The following FAM167A variants were observed in gnomAD, a reference collection of about 807,000 sequenced individuals.
The protein encoded by FAM167A is protein FAM167A.
Under a neutral mutation model 14.9 loss-of-function variants are expected in FAM167A, and 23 were observed. The ratio of observed to expected loss-of-function variants is 1.55; its 90% CI spans 1.11 to 2.19. The LOEUF (loss-of-function observed/expected upper bound fraction) is 2.19, where lower values mean the gene tolerates loss of function less well. Ranked by LOEUF, FAM167A falls within the 30% of genes most tolerant of loss-of-function variation. FAM167A has a pLI of 0.00. For synonymous variants in FAM167A, 174 were observed against 117.7 expected (o/e 1.48, Z -3.10); for missense variants, 401 against 281.5 (o/e 1.42, Z -3.04).
intron 1 of FAM167A, among the ~76,000 whole-genome samples, chr8:11,453,008 G>C (rs189195079): frequency 6.0e-4 from 91 of 152,168 alleles, no homozygotes; most frequent in Admixed American, 1.6e-3. Context: ...CCTTCATCAC[G>C]GCTGCCCCCA....
chr8:11,468,538 A>G (rs544423582), upstream of FAM167A, among the ~76,000 whole-genome samples: 4 of 152,328 alleles, frequency 2.6e-5, no homozygotes, highest in African/African-American at 9.6e-5. Context: ...CCATGTTTGC[A>G]AGCAGGAGCC....
chr8:11,423,552 T>C lies in FAM167A; in HGVS notation c.*821A>G, dbSNP rs997033131. 46 of 152,358 alleles carry C rather than the reference T, an allele frequency of 3.0e-4. No homozygotes were observed. The highest frequency in any genetic ancestry group is 1.1e-3 in the African/African-American group (44 of 41,540). 9.4% of individuals were successfully genotyped at this position (152,358 alleles called of 1,614,324 possible). ...GTCACGCCCCTGCAGGAGAATTCAG[T>C]TATGGAAAATGCTTTCAGGACCTGC... On this transcript the variant is annotated 3_prime_UTR_variant, in exon 3 of 3. Transcript: ENST00000284486.
At chr8:11,433,295 C>G (rs1300034155) in intron 2 of FAM167A, among the ~76,000 whole-genome samples, 2 of 152,188 alleles carry the variant, frequency 1.3e-5, no homozygotes, top group Non-Finnish European at 2.9e-5. Context: ...CTTTAACCTA[C>G]CATGGTTTCT....
At chr8:11,445,388 C>A in intron 1 of FAM167A, 1 of 985,790 alleles carries the variant, frequency 1.0e-6, no homozygotes, top group Non-Finnish European at 1.2e-6. Flanking sequence ...ACTCTACGCT[C>A]CTAGCTTCTT....
intron 2 of FAM167A, among the ~76,000 whole-genome samples, chr8:11,437,843 T>C (rs1806137129): frequency 6.8e-6 from 1 of 147,468 alleles, no homozygotes; most frequent in African/African-American, 2.7e-5. Context: ...TGCAATTACG[T>C]GGACAGGCAT....
upstream of FAM167A, chr8:11,467,483 C>T (rs1033173544): frequency 3.9e-5 from 6 of 152,402 alleles, no homozygotes; most frequent in Non-Finnish European, 7.3e-5. Flanking sequence ...CACTGGAGGC[C>T]CCAAGGCTGG....
At chr8:11,466,269 G>A (rs887422964) in intron 1 of FAM167A, among the ~76,000 whole-genome samples, 4 of 152,204 alleles carry the variant, frequency 2.6e-5, no homozygotes, top group African/African-American at 7.2e-5. Context: ...GAGGTCACCA[G>A]CCGCCTGGGA....
intron 1 of FAM167A, among the ~76,000 whole-genome samples, chr8:11,458,769 G>T (rs1013413032): frequency 6.6e-6 from 1 of 152,122 alleles, no homozygotes; most frequent in African/African-American, 2.4e-5. Flanking sequence ...TAAGCCTGAG[G>T]TAAGGCGAAC....
Position 11,438,789 on chromosome 8 carries a change from G to T in FAM167A, c.381+5242C>A. The T allele has an allele frequency of 6.2e-6, 2 of 320,134 alleles. 1 individual carries two copies. Among genetic ancestry groups the T allele is most frequent in the South Asian group, 5.2e-5 (2 of 38,380 alleles). 19.8% of individuals were successfully genotyped at this position (320,134 alleles called of 1,614,324 possible). On this transcript the variant is annotated intron_variant, in intron 2 of 2. Coordinates refer to ENST00000284486, the MANE Select transcript of FAM167A (RefSeq NM_053279.3). ...AGACAGGCTGAAAGCACCGGGCTAT[G>T]CAGAGAAGACTTAGCCTTGGGAGAA... is the stretch of plus-strand genomic sequence containing the variant.
chr8:11,465,611 C>T (rs1055611489), intron 1 of FAM167A, among the ~76,000 whole-genome samples: 54 of 152,234 alleles, frequency 3.5e-4, no homozygotes, highest in African/African-American at 1.2e-3. Context: ...CTGCCAACGC[C>T]CTCAGGCAAC....
intron 1 of FAM167A, chr8:11,445,596 G>T: frequency 4.1e-6 from 4 of 985,504 alleles, no homozygotes; most frequent in Non-Finnish European, 4.8e-6. Context: ...TTCAGCTATG[G>T]GATCTGATGT....
chr8:11,426,207 C>T (rs1429475715), intron 2 of FAM167A, among the ~76,000 whole-genome samples: 1 of 152,170 alleles, frequency 6.6e-6, no homozygotes, highest in East Asian at 1.9e-4. Flanking sequence ...GTAAGCACCC[C>T]CACCCTCCAA....
rs760183930 is a variant in FAM167A at position 11,424,626 on chromosome 8, C to G, written c.392G>C (p.Arg131Pro). The G allele has an allele frequency of 1.9e-6, 3 of 1,613,528 alleles. No individual in the cohort carries two copies. The highest frequency in any genetic ancestry group is 1.1e-5 in the South Asian group (1 of 91,072). ...TCTGGCCAGTTGCTGGTCCTGCAGC[C>G]GCATCTCCGTCTGGAAGGGAGGGGG... ...AWLRKELTEM[R>P]LQDQQLARQL... is the part of the protein sequence containing the mutation. Residue 131 changes from arginine to proline, a missense_variant, in exon 3 of 3, where the codon CGG becomes CCG. Physicochemically the swap from Arg to Pro is moderately radical, Grantham distance 103. Transcript: ENST00000284486.
At chr8:11,427,450 G>A (rs1195907308) in intron 2 of FAM167A, among the ~76,000 whole-genome samples, 2 of 152,190 alleles carry the variant, frequency 1.3e-5, no homozygotes, top group African/African-American at 2.4e-5. Context: ...ACTTGTAAGT[G>A]GTTATTTAGT....
chr8:11,448,828 G>A (rs985567688), intron 1 of FAM167A, among the ~76,000 whole-genome samples: 1 of 152,208 alleles, frequency 6.6e-6, no homozygotes. Context: ...CCTGGTTTCT[G>A]GTCCCAGCAC....
chr8:11,439,782 G>A (rs1028267757), intron 2 of FAM167A, among the ~76,000 whole-genome samples: 1 of 152,156 alleles, frequency 6.6e-6, no homozygotes, highest in African/African-American at 2.4e-5. Context: ...AGACTTTATT[G>A]CCCCTTTTCT....
rs907239658 is a variant in FAM167A at position 11,439,659 on chromosome 8, C to T, written c.381+4372G>A. Among the ~76,000 whole-genome samples, 4 of 140,234 alleles carry T rather than the reference C, an allele frequency of 2.9e-5. No individual in the cohort carries two copies. The East Asian group carries it at 8.2e-4, about 29-fold the overall frequency. 92.0% of individuals were successfully genotyped at this position (140,234 alleles called of 152,430 possible). A position where few individuals can be genotyped will look rare whatever the true frequency, so the allele number is the denominator to read the frequency against. On this transcript the variant is annotated intron_variant, in intron 2 of 2. Coordinates refer to ENST00000284486, the MANE Select transcript of FAM167A (RefSeq NM_053279.3). ...GGTGTCTGCAGGGATCACACACCTG[C>T]GTGAAACTAGAAGAAAAATATCAGT...
intron 1 of FAM167A, among the ~76,000 whole-genome samples, chr8:11,475,423 G>A (rs886487609): frequency 1.3e-5 from 2 of 152,032 alleles, no homozygotes; most frequent in African/African-American, 4.8e-5. Context: ...ACCCCCAGCT[G>A]GGCCTTCTCA....
chr8:11,452,998 C>T (rs1048272276), intron 1 of FAM167A, among the ~76,000 whole-genome samples: 2 of 152,150 alleles, frequency 1.3e-5, no homozygotes, highest in African/African-American at 2.4e-5. Flanking sequence ...CCCTCTGTCC[C>T]CTTCATCACG....
Sources: gnomAD v4.1 joint callset for allele counts (sites outside exome capture counted in the v4.1 genomes callset) on GRCh38, gnomAD v4.1.1 for gene constraint, MANE v1.5 for transcripts, NCBI Gene and HGNC (gene_info 2026-07-23, HGNC 2026-07-21) for gene names.